The following FRYL variants were observed in gnomAD, a reference collection of about 807,000 sequenced individuals.
FRYL encodes the protein protein furry homolog-like.
A neutral mutation model predicts 351.2 loss-of-function variants in FRYL; 150 were observed. The observed-to-expected ratio is 0.43, with a 90% CI of 0.37 to 0.49. FRYL has a LOEUF of 0.49. FRYL is among the 20% of genes least tolerant of loss of function. The probability of loss-of-function intolerance (pLI) is 0.00; values close to 1 mark genes in which losing one functional copy is unlikely to be tolerated. For missense variants in FRYL, 3,036 were observed against 3,619.3 expected (o/e 0.84, Z 4.13); for synonymous variants, 1,153 against 1,257.1 (o/e 0.92, Z 1.75).
intron 1 of FRYL, among the ~76,000 whole-genome samples, chr4:48,770,397 C>A (rs1475846652): frequency 6.6e-6 from 1 of 151,918 alleles, no homozygotes; most frequent in Non-Finnish European, 1.5e-5. Flanking sequence ...TGTTTTTCAT[C>A]CTTATCACAT....
intron 33 of FRYL, 64 bp from the exon 34 acceptor site, chr4:48,557,776 T>C: frequency 6.4e-7 from 1 of 1,564,752 alleles, no homozygotes; most frequent in Non-Finnish European, 8.7e-7. Context: ...CCGTAATTAA[T>C]TCCAACAGAT....
chr4:48,661,134 C>T (rs1760620881), intron 3 of FRYL, among the ~76,000 whole-genome samples: 1 of 152,310 alleles, frequency 6.6e-6, no homozygotes, highest in African/African-American at 2.4e-5. Context: ...GTAGAGTACA[C>T]ATAAACTCTT....
chr4:48,669,402 G>A (rs1197707854), intron 3 of FRYL, among the ~76,000 whole-genome samples: 2 of 152,044 alleles, frequency 1.3e-5, no homozygotes, highest in African/African-American at 4.8e-5. Flanking sequence ...TGAGCATCAC[G>A]AGCAATTGGG....
chr4:48,548,618 T>C (rs1364734679), intron 40 of FRYL, 72 bp downstream of exon 40: 3 of 844,910 alleles, frequency 3.6e-6, no homozygotes, highest in Non-Finnish European at 3.9e-6. Context: ...ATAAAAACTG[T>C]CATAAAACCA....
chr4:48,677,638 T>C (rs1168179936), intron 3 of FRYL, among the ~76,000 whole-genome samples: 2 of 152,156 alleles, frequency 1.3e-5, no homozygotes, highest in Admixed American at 1.3e-4. Context: ...CTCAAACTCC[T>C]GACCTCAGGT....
At chr4:48,693,966 G>C (rs1578743252) in intron 2 of FRYL, among the ~76,000 whole-genome samples, 1 of 149,106 alleles carries the variant, frequency 6.7e-6, no homozygotes, top group African/African-American at 2.5e-5. Flanking sequence ...AATACCTACA[G>C]ATTAACAGAG....
In FRYL at chr4:48,634,292, A is replaced by C; in HGVS notation, c.119T>G (p.Leu40Trp). The change falls in exon 4 of 64, where the codon TTG (leucine) becomes TGG (tryptophan). Residue 40 changes from leucine (L) to tryptophan (W), a missense_variant and splice_region_variant. Leu to Trp is a moderately conservative substitution (Grantham distance 61). Transcript: ENST00000358350. ...KKIEVVMAEP[L>W]EKLLSRSLQR... Reference sequence around the variant, plus strand: ...GATTTATAGGTCAGCTGTACTCACCAAGGGTTCGGCCATTACAACTTCAAT... The same window carrying C: ...GATTTATAGGTCAGCTGTACTCACCCAGGGTTCGGCCATTACAACTTCAAT... 6.2e-7 allele frequency: 1 copy of C among 1,610,238 alleles called. No homozygotes were observed.
At chr4:48,683,461 A>G (rs1764870131) in intron 3 of FRYL, among the ~76,000 whole-genome samples, 2 of 151,956 alleles carry the variant, frequency 1.3e-5, no homozygotes, top group Non-Finnish European at 2.9e-5. Flanking sequence ...CTGGTTCTGA[A>G]TTACTTCGTT....
intron 13 of FRYL, among the ~76,000 whole-genome samples, chr4:48,599,698 G>A (rs1745316748): frequency 6.6e-6 from 1 of 152,166 alleles, no homozygotes; most frequent in Admixed American, 6.5e-5. Context: ...GCTGGCTCCC[G>A]AAACACGGGT....
At chr4:48,676,490 T>C (rs1419527991) in intron 3 of FRYL, among the ~76,000 whole-genome samples, 1 of 151,592 alleles carries the variant, frequency 6.6e-6, no homozygotes, top group African/African-American at 2.4e-5. Context: ...CCGGGGACAC[T>C]CCTGCCTCAG....
chr4:48,740,985 A>C (rs1049205015), intron 1 of FRYL, among the ~76,000 whole-genome samples: 4 of 152,158 alleles, frequency 2.6e-5, no homozygotes, highest in Admixed American at 2.6e-4. Context: ...TAACTGCCAA[A>C]ATTTGGAAGC....
At chr4:48,519,993 A>T (rs1724561382) in intron 55 of FRYL, among the ~76,000 whole-genome samples, 1 of 152,164 alleles carries the variant, frequency 6.6e-6, no homozygotes, top group Admixed American at 6.5e-5. Flanking sequence ...GGCCTCCCAA[A>T]GTGCTGGGAT....
At chr4:48,714,700 GGAACTGGTACCATTCCTTCT>G (rs1218345917) in intron 1 of FRYL, among the ~76,000 whole-genome samples, 2 of 150,458 alleles carry the variant, frequency 1.3e-5, no homozygotes, top group African/African-American at 2.4e-5. Flanking sequence ...GGTACAAGGA[GGAACTGGTACCATTCCTTCT>G]GAAACTATTC....
At chr4:48,558,388 A>G (rs564711820) in intron 33 of FRYL, among the ~76,000 whole-genome samples, 229 of 152,366 alleles carry the variant, frequency 1.5e-3, no homozygotes, top group Non-Finnish European at 2.8e-3. Context: ...AAAGTAGTCA[A>G]ATCCATAGAA....
intron 25 of FRYL, chr4:48,574,456 A>G (rs1412994536): frequency 6.6e-6 from 1 of 152,130 alleles, no homozygotes; most frequent in Non-Finnish European, 1.5e-5. Flanking sequence ...TTTTTATTTA[A>G]ATGTTCCTCT....
chr4:48,723,231 C>T (rs760674298), intron 1 of FRYL, among the ~76,000 whole-genome samples: 18 of 152,114 alleles, frequency 1.2e-4, no homozygotes, highest in Admixed American at 5.2e-4. Flanking sequence ...CAGCCTCGAC[C>T]TCCTGGGCTC....
At chr4:48,623,221 A>G (rs760215816) in intron 4 of FRYL, 42 bp from the exon 5 acceptor site, 2 of 1,105,684 alleles carry the variant, frequency 1.8e-6, no homozygotes, top group Non-Finnish European at 2.6e-6. Flanking sequence ...AAAATAAAGC[A>G]CAAATATAAA....
chr4:48,583,431 G>A (rs1389415798), intron 19 of FRYL, among the ~76,000 whole-genome samples: 3 of 152,096 alleles, frequency 2.0e-5, no homozygotes, highest in Non-Finnish European at 2.9e-5. Context: ...GATTACGGGC[G>A]TGAGCCACCA....
intron 32 of FRYL, among the ~76,000 whole-genome samples, chr4:48,562,098 G>A (rs1327877982): frequency 6.6e-6 from 1 of 152,154 alleles, no homozygotes; most frequent in Admixed American, 6.6e-5. Flanking sequence ...CAATGATCCA[G>A]GTTAGTAACA....
Sources: gnomAD v4.1 joint callset for allele counts (sites outside exome capture counted in the v4.1 genomes callset) on GRCh38, gnomAD v4.1.1 for gene constraint, MANE v1.5 for transcripts, NCBI Gene and HGNC (gene_info 2026-07-23, HGNC 2026-07-21) for gene names.